Variants in SLC26A5 observed in about 807,000 individuals in gnomAD.
The protein encoded by SLC26A5 is solute carrier family 26 member 5, also known as prestin.
In SLC26A5, 51 loss-of-function variants were observed where a neutral mutation model predicts 81.0. The ratio of observed to expected loss-of-function variants is 0.63; its 90% CI spans 0.50 to 0.80. The LOEUF (loss-of-function observed/expected upper bound fraction) is 0.80. Ranked by LOEUF, SLC26A5 falls within the 30% of genes least tolerant of loss-of-function variation. The pLI is 0.00. For missense variants in SLC26A5, 771 were observed against 905.8 expected, an observed-to-expected ratio of 0.85 and a Z score of 1.91; for synonymous variants, 325 against 332.8, an observed-to-expected ratio of 0.98 and a Z score of 0.25.
At chr7:103,412,547 T>A (rs999288597) in intron 5 of SLC26A5, among the ~76,000 whole-genome samples, 3 of 133,626 alleles carry the variant, frequency 2.2e-5, no homozygotes, top group African/African-American at 1.1e-4. Context: ...GTGTAGTTTT[T>A]TTTTTGTTTT....
At position 103,413,549 on chromosome 7, in the gene SLC26A5, C is replaced by T. The variant is rs370287141; in HGVS notation, c.293-437G>A. Among the ~76,000 whole-genome samples, 3 of 152,228 alleles carry T rather than the reference C, an allele frequency of 2.0e-5. No individual in the cohort carries two copies. The South Asian group carries it at 6.2e-4, about 32-fold the overall frequency. On this transcript the variant is annotated intron_variant, in intron 4 of 19. Transcript: ENST00000306312. ...CTCCCTCCTCCTGACTCTTAGATATCCCTCCTCCGACTCTTATCAGAAGGT... is the reference window on the plus strand; with the variant it reads ...CTCCCTCCTCCTGACTCTTAGATATTCCTCCTCCGACTCTTATCAGAAGGT...
chr7:103,433,624 G>A (rs1826233816), intron 2 of SLC26A5: 1 of 151,930 alleles, frequency 6.6e-6, no homozygotes, highest in Non-Finnish European at 1.5e-5. Context: ...CCTATAAAAG[G>A]AAATGCATTT....
At chr7:103,385,576 A>G (rs1822123661) in intron 14 of SLC26A5, among the ~76,000 whole-genome samples, 1 of 152,176 alleles carries the variant, frequency 6.6e-6, no homozygotes, top group African/African-American at 2.4e-5. Flanking sequence ...CTGATCTCCT[A>G]AACTCTAACA....
intron 14 of SLC26A5, among the ~76,000 whole-genome samples, chr7:103,381,237 C>T (rs760121519): frequency 1.1e-4 from 16 of 151,542 alleles, no homozygotes; most frequent in East Asian, 5.8e-4. Context: ...CACACACATA[C>T]GCAATACACA....
chr7:103,408,548 A>C (rs1824243031), intron 7 of SLC26A5, among the ~76,000 whole-genome samples: 1 of 152,158 alleles, frequency 6.6e-6, no homozygotes, highest in South Asian at 2.1e-4. Flanking sequence ...CTTATCAAAC[A>C]ATTATTCTTA....
chr7:103,397,781 A>C, intron 9 of SLC26A5, 151 bp downstream of exon 9: 1 of 643,378 alleles, frequency 1.6e-6, no homozygotes, highest in South Asian at 1.9e-5. Flanking sequence ...TAAAAATAAA[A>C]ATAAAATGCA....
chr7:103,361,852 C>A (rs954945689), intron 19 of SLC26A5: 3 of 1,110,412 alleles, frequency 2.7e-6, no homozygotes, highest in African/African-American at 3.2e-5. Flanking sequence ...TTCTGTAGTT[C>A]TAGTTTATAC....
chr7:103,396,870 G>A (rs193266248), intron 9 of SLC26A5, among the ~76,000 whole-genome samples: 273 of 152,212 alleles, frequency 1.8e-3, no homozygotes, highest in African/African-American at 6.4e-3. Context: ...TGAGGCGGGC[G>A]GATCACATGA....
At chr7:103,430,596 G>GAA (rs3051684) in intron 2 of SLC26A5, among the ~76,000 whole-genome samples, 1,829 of 69,160 alleles carry the variant, frequency 0.026, 45 homozygotes, top group African/African-American at 0.26. Context: ...GTTCCAGAGA[G>GAA]GATGGCTTTG....
In SLC26A5 at chr7:103,379,338, G is replaced by A. The variant is rs753437799; in HGVS notation, c.1585-3C>T. On this transcript the variant is annotated splice_polypyrimidine_tract_variant and splice_region_variant and intron_variant, in intron 15 of 19. Coordinates refer to ENST00000306312, the MANE Select transcript of SLC26A5 (RefSeq NM_198999.3). ...TTTATTCCAGGAATTTCTTTCACCT[G>A]AAGAGTAAAATATTGCTGAATTTAA... 2 of 1,568,312 alleles carry A rather than the reference G, an allele frequency of 1.3e-6. No individual in the cohort carries two copies. Among genetic ancestry groups the A allele is most frequent in the East Asian group, 4.5e-5 (2 of 44,574 alleles).
rs976274559 is a variant in SLC26A5, at chr7:103,392,006, C to T, written c.1120-271G>A. On this transcript the variant is annotated intron_variant, in intron 10 of 19. Transcript: ENST00000306312. Reference sequence around the variant, plus strand: ...CCAAACACACCCTCTACATAAATAACGCTTAAGAAGAAAACTGCACTAAAA... The same window carrying T: ...CCAAACACACCCTCTACATAAATAATGCTTAAGAAGAAAACTGCACTAAAA... 9.9e-5 allele frequency among the ~76,000 whole-genome samples: 15 copies of T among 152,266 alleles called. No homozygotes were observed. In the South Asian group the frequency reaches 1.5e-3, roughly 15 times the overall value.
intron 2 of SLC26A5, among the ~76,000 whole-genome samples, chr7:103,433,302 T>C (rs920194524): frequency 2.6e-5 from 4 of 152,246 alleles, no homozygotes. Flanking sequence ...TTAAACATTT[T>C]TCTCTGCATT....
chr7:103,434,224 G>A (rs752203546), intron 2 of SLC26A5, among the ~76,000 whole-genome samples: 1 of 152,082 alleles, frequency 6.6e-6, no homozygotes, highest in African/African-American at 2.4e-5. Context: ...TCACCCTCAC[G>A]CTTGATAAGT....
chr7:103,408,121 G>A (rs529293181), intron 7 of SLC26A5, 118 bp from the exon 8 acceptor site: 1 of 1,355,654 alleles, frequency 7.4e-7, no homozygotes, highest in Admixed American at 1.8e-5. Flanking sequence ...CTAGTGGAAA[G>A]TTCCAAGGCT....
intron 2 of SLC26A5, among the ~76,000 whole-genome samples, chr7:103,422,214 C>T (rs1825405323): frequency 1.3e-5 from 2 of 151,968 alleles, no homozygotes; most frequent in African/African-American, 4.8e-5. Context: ...ATGAGTAAAA[C>T]AATGATTAAA....
intron 2 of SLC26A5, among the ~76,000 whole-genome samples, chr7:103,435,901 G>A (rs1826416622): frequency 6.6e-6 from 1 of 152,092 alleles, no homozygotes; most frequent in Non-Finnish European, 1.5e-5. Context: ...GAGTAAGCAA[G>A]TACTTATGCT....
chr7:103,363,279 A>G (rs915905606), intron 19 of SLC26A5: 17 of 1,312,346 alleles, frequency 1.3e-5, no homozygotes, highest in Admixed American at 5.3e-5. Flanking sequence ...GGTCTATTCT[A>G]TTGAATTTGG....
chr7:103,391,084 C>T (rs144883758), intron 11 of SLC26A5, among the ~76,000 whole-genome samples: 6,513 of 152,158 alleles, frequency 0.043, 476 homozygotes, highest in African/African-American at 0.15. Flanking sequence ...AGGATGGTCT[C>T]GATCTCTTGA....
At chr7:103,365,658 A>G (rs1166502165) in intron 19 of SLC26A5, among the ~76,000 whole-genome samples, 1 of 151,232 alleles carries the variant, frequency 6.6e-6, no homozygotes, top group Non-Finnish European at 1.5e-5. Flanking sequence ...AGCTGCGCGC[A>G]GTGGCTCACG....
Sources: gnomAD v4.1 joint callset for allele counts (sites outside exome capture counted in the v4.1 genomes callset) on GRCh38, gnomAD v4.1.1 for gene constraint, MANE v1.5 for transcripts, NCBI Gene and HGNC (gene_info 2026-07-23, HGNC 2026-07-21) for gene names.